Variants in KCNK2 observed in about 807,000 individuals in gnomAD.
The protein encoded by KCNK2 is potassium channel subfamily K member 2.
Under a neutral mutation model 40.5 loss-of-function variants are expected in KCNK2, and 21 were observed. That is an observed-to-expected ratio of 0.52 (90% CI 0.37 to 0.75). KCNK2 has a LOEUF of 0.75. KCNK2 is among the 30% of genes least tolerant of loss of function. The pLI is 0.00. For synonymous variants in KCNK2, 191 were observed against 202.2 expected (o/e 0.94, Z 0.47); for missense variants, 399 against 531.6 (o/e 0.75, Z 2.45).
intron 2 of KCNK2, among the ~76,000 whole-genome samples, chr1:215,116,485 A>C (rs934379748): frequency 5.9e-5 from 9 of 152,044 alleles, no homozygotes; most frequent in Non-Finnish European, 8.8e-5. Context: ...TCTGCTCTCA[A>C]ATCTGTTGTT....
At chr1:215,050,295 A>T (rs908752816) in intron 1 of KCNK2, among the ~76,000 whole-genome samples, 1 of 152,198 alleles carries the variant, frequency 6.6e-6, no homozygotes, top group Non-Finnish European at 1.5e-5. Context: ...ACATGTTAGT[A>T]TATAGAAAAA....
intron 6 of KCNK2, among the ~76,000 whole-genome samples, chr1:215,204,212 G>A (rs1241802814): frequency 1.3e-5 from 2 of 150,304 alleles, no homozygotes; most frequent in East Asian, 1.9e-4. Context: ...AAACTAAGAG[G>A]CAATAGCTCA....
rs142841936 is a variant in KCNK2 at position 215,211,035 on chromosome 1, C to T, written c.963+15943C>T. Among the ~76,000 whole-genome samples the T allele has an allele frequency of 6.1e-4, 93 of 152,232 alleles. No individual in the cohort carries two copies. The East Asian group carries it at 0.013, about 21-fold the overall frequency. ...ACCTTTGCTTTATGTAAAGTCTGTT[C>T]TCAACAAAGACACCAGAATAATCCT... On this transcript the variant is annotated intron_variant, in intron 6 of 6. Coordinates refer to ENST00000444842, the MANE Select transcript of KCNK2 (RefSeq NM_001017425.3).
chr1:215,217,802 G>T (rs571545708), intron 6 of KCNK2, among the ~76,000 whole-genome samples: 1 of 152,278 alleles, frequency 6.6e-6, no homozygotes, highest in South Asian at 2.1e-4. Context: ...TGGACTTAGG[G>T]TAGTTTAAAG....
intron 6 of KCNK2, among the ~76,000 whole-genome samples, chr1:215,224,742 G>A (rs138840016): frequency 0.011 from 1,623 of 152,178 alleles, 29 homozygotes; most frequent in African/African-American, 0.037. Flanking sequence ...ACTCGTGTGT[G>A]TAGTAAAATA....
At chr1:215,076,217 G>A (rs1392561542) in intron 1 of KCNK2, among the ~76,000 whole-genome samples, 1 of 152,126 alleles carries the variant, frequency 6.6e-6, no homozygotes, top group Non-Finnish European at 1.5e-5. Flanking sequence ...TTGTGTATCA[G>A]GTCTGAAACT....
intron 2 of KCNK2, among the ~76,000 whole-genome samples, chr1:215,113,279 T>A (rs1046599114): frequency 6.6e-6 from 1 of 152,212 alleles, no homozygotes. Flanking sequence ...AATAATATTG[T>A]AAATGATAGC....
chr1:215,130,301 G>A (rs548272907), intron 3 of KCNK2, among the ~76,000 whole-genome samples: 1 of 152,284 alleles, frequency 6.6e-6, no homozygotes, highest in African/African-American at 2.4e-5. Flanking sequence ...GTAGTATGGT[G>A]GGGGAAGCTG....
chr1:215,076,440 T>G (rs774496538), intron 1 of KCNK2, among the ~76,000 whole-genome samples: 13 of 152,192 alleles, frequency 8.5e-5, no homozygotes, highest in Middle Eastern at 6.3e-3. Context: ...GTTACTGTCC[T>G]CTCCAGGCTT....
At chr1:215,191,180 GA>G (rs1664649553) in intron 5 of KCNK2, among the ~76,000 whole-genome samples, 1 of 151,724 alleles carries the variant, frequency 6.6e-6, no homozygotes, top group African/African-American at 2.4e-5. Context: ...AGCTTCTCGG[GA>G]AGCTGAGGCA....
chr1:215,074,420 C>G (rs1051168220), intron 1 of KCNK2, among the ~76,000 whole-genome samples: 8 of 152,076 alleles, frequency 5.3e-5, no homozygotes, highest in African/African-American at 1.9e-4. Flanking sequence ...CTTTTTTATT[C>G]CATTTATGTC....
chr1:215,112,933 T>C (rs932893612), intron 2 of KCNK2, among the ~76,000 whole-genome samples: 2 of 152,168 alleles, frequency 1.3e-5, no homozygotes, highest in African/African-American at 4.8e-5. Context: ...TTTCTCACTA[T>C]CGCAAACTGA....
intron 1 of KCNK2, among the ~76,000 whole-genome samples, chr1:215,077,227 G>A (rs1410349119): frequency 6.6e-6 from 1 of 152,210 alleles, no homozygotes; most frequent in Non-Finnish European, 1.5e-5. Context: ...CAACAGGTAT[G>A]AGAAGGGGTG....
At chr1:215,015,763 A>G (rs1244071053) in intron 1 of KCNK2, among the ~76,000 whole-genome samples, 2 of 152,200 alleles carry the variant, frequency 1.3e-5, no homozygotes, top group Non-Finnish European at 2.9e-5. Flanking sequence ...AGCAGAAACT[A>G]GATGAGATCC....
chr1:215,236,061 T>TATCTATCTATCTATC lies in KCNK2; in HGVS notation c.*917_*931dup, dbSNP rs1666873773. 2.0e-5 allele frequency: 3 copies of TATCTATCTATCTATC among 149,172 alleles called. No homozygotes were observed. The highest frequency in any genetic ancestry group is 6.6e-5 in the Admixed American group (1 of 15,114). The allele number at this position is 149,172 out of a possible 1,614,324, so 9.2% of individuals were successfully genotyped here. A position where few individuals can be genotyped will look rare whatever the true frequency, so the allele number is the denominator to read the frequency against. ...GAAGAAGAAAATCTATCTATCTATC[T>TATCTATCTATCTATC]ATCTATCTATCTATCTATCTATCTA... On this transcript the variant is annotated 3_prime_UTR_variant, in exon 7 of 7. Transcript: ENST00000444842.
At chr1:215,155,142 T>A (rs1237952268) in intron 3 of KCNK2, among the ~76,000 whole-genome samples, 1 of 152,198 alleles carries the variant, frequency 6.6e-6, no homozygotes, top group Non-Finnish European at 1.5e-5. Flanking sequence ...AGACACAGTT[T>A]ATTTTGAAGT....
chr1:215,086,329 A>G, intron 1 of KCNK2, 39 bp from the exon 2 acceptor site: 1 of 1,543,026 alleles, frequency 6.5e-7, no homozygotes, highest in Admixed American at 1.7e-5. Context: ...TTCCCTTCTC[A>G]TCTCCTCCAA....
At chr1:215,081,703 A>G (rs1659160278), upstream of KCNK2, 1 of 152,080 alleles carries the variant, frequency 6.6e-6, no homozygotes, top group Non-Finnish European at 1.5e-5. Flanking sequence ...AGCAGTTGGG[A>G]TGGGAGGGTG....
intron 6 of KCNK2, among the ~76,000 whole-genome samples, chr1:215,203,539 TATA>T (rs1197370251): frequency 6.6e-6 from 1 of 151,920 alleles, no homozygotes; most frequent in Non-Finnish European, 1.5e-5. Context: ...TATATATATA[TATA>T]ATATCATCAT....
Sources: gnomAD v4.1 joint callset for allele counts (sites outside exome capture counted in the v4.1 genomes callset) on GRCh38, gnomAD v4.1.1 for gene constraint, MANE v1.5 for transcripts, NCBI Gene and HGNC (gene_info 2026-07-23, HGNC 2026-07-21) for gene names.